The following PCDHGA4 variants were observed in gnomAD, a reference collection of about 807,000 sequenced individuals.
PCDHGA4 encodes protocadherin gamma-A4.
In PCDHGA4, 38 loss-of-function variants were observed where a neutral mutation model predicts 54.6. The ratio of observed to expected loss-of-function variants is 0.70; its 90% CI spans 0.54 to 0.91. PCDHGA4 has a LOEUF of 0.91. PCDHGA4 is among the 40% of genes least tolerant of loss of function. The pLI is 0.00. For missense variants in PCDHGA4, 1,298 were observed against 1,220.9 expected (o/e 1.06, Z -0.94); for synonymous variants, 511 against 512.9 (o/e 1.00, Z 0.05).
chr5:141,369,893 A>T (rs956763780), intron 1 of PCDHGA4, among the ~76,000 whole-genome samples: 1 of 152,230 alleles, frequency 6.6e-6, no homozygotes, highest in Non-Finnish European at 1.5e-5. Context: ...AGATATTATT[A>T]TGACCATTTT....
chr5:141,388,402 G>C, intron 1 of PCDHGA4: 1 of 1,613,972 alleles, frequency 6.2e-7, no homozygotes, highest in Non-Finnish European at 8.5e-7. Context: ...TACCAACTCA[G>C]TCCCAGTGAT....
intron 1 of PCDHGA4, chr5:141,413,201 A>G (rs746209535): frequency 1.9e-6 from 3 of 1,611,954 alleles, no homozygotes; most frequent in Non-Finnish European, 2.5e-6. Context: ...AATCGCTCAA[A>G]GGAATCAAAG....
At chr5:141,360,360 C>T in intron 1 of PCDHGA4, 1 of 1,613,892 alleles carries the variant, frequency 6.2e-7, no homozygotes, top group Non-Finnish European at 8.5e-7. Flanking sequence ...AGGAATATTT[C>T]ACAGTAAACC....
intron 1 of PCDHGA4, chr5:141,374,039 G>T (rs187674758): frequency 5.9e-5 from 86 of 1,456,944 alleles, no homozygotes; most frequent in Middle Eastern, 2.5e-4. Context: ...ATGCAGATCT[G>T]TTCTTCCTCT....
rs144317211 is a variant in PCDHGA4 at position 141,432,088 on chromosome 5, A to G, written c.2515-62719A>G. On this transcript the variant is annotated intron_variant, in intron 1 of 3. Transcript: ENST00000571252. This position sits in a 1 kb window ranked among gnomAD's most constrained non-coding sequence, Gnocchi z 6.0. Reference sequence around the variant, plus strand: ...AAACTCATATCTCGCTGAACGTGGCAGACACCAACGACAACCCGCCGGTCT... The same window carrying G: ...AAACTCATATCTCGCTGAACGTGGCGGACACCAACGACAACCCGCCGGTCT... The G allele has an allele frequency of 6.2e-7, 1 of 1,614,148 alleles. No individual in the cohort carries two copies. Among genetic ancestry groups the G allele is most frequent in the South Asian group, 1.1e-5 (1 of 91,074 alleles).
Position 141,486,177 on chromosome 5 carries a change from G to A in PCDHGA4, c.2515-8630G>A. The A allele has an allele frequency of 6.2e-7, 1 of 1,614,222 alleles. No individual in the cohort carries two copies. Among genetic ancestry groups the A allele is most frequent in the Non-Finnish European group, 8.5e-7 (1 of 1,180,042 alleles). ...TCTCCAGCCATGGAGCAACATTGCA[G>A]CCTTCGAGTGGATCTGCTGGACGTA... On this transcript the variant is annotated intron_variant, in intron 1 of 3. Coordinates refer to ENST00000571252, the MANE Select transcript of PCDHGA4 (RefSeq NM_018917.4). The surrounding 1 kb of genome is among the most constrained non-coding windows in gnomAD (Gnocchi z 5.0).
Position 141,495,452 on chromosome 5 carries a change from CTCTG to C in PCDHGA4, c.2573+593_2573+596del, listed in dbSNP as rs550877100. ...GTCCTCTGCCCCTACTTGTCCTGCTCTCTGTCTGTGGGGTCTCCGTGTCTCTGCC... is the reference window on the plus strand; with the variant it reads ...GTCCTCTGCCCCTACTTGTCCTGCTCTCTGTGGGGTCTCCGTGTCTCTGCC... On this transcript the variant is annotated intron_variant, in intron 2 of 3. Coordinates refer to ENST00000571252, the MANE Select transcript of PCDHGA4 (RefSeq NM_018917.4). 5.6e-4 allele frequency among the ~76,000 whole-genome samples: 85 copies of C among 152,356 alleles called. 1 individual carries two copies. Among genetic ancestry groups the C allele is most frequent in the Admixed American group, 3.5e-3 (53 of 15,310 alleles).
Position 141,419,013 on chromosome 5 carries a change from G to C in PCDHGA4, c.2514+61392G>C, listed in dbSNP as rs746229802. The C allele has an allele frequency of 6.9e-5, 111 of 1,613,840 alleles. No individual in the cohort carries two copies. In the East Asian group the frequency reaches 2.4e-3, roughly 35 times the overall value. ...GGGGAAAATGGGGAAGTCAGGTGTA[G>C]CTTAAGTAGAGGTGTTCCATTTAAG... is the stretch of plus-strand genomic sequence containing the variant. On this transcript the variant is annotated intron_variant, in intron 1 of 3. Transcript: ENST00000571252.
chr5:141,503,222 G>T (rs540244346), intron 2 of PCDHGA4, among the ~76,000 whole-genome samples: 1 of 152,120 alleles, frequency 6.6e-6, no homozygotes, highest in East Asian at 1.9e-4. Context: ...CATGAGCACC[G>T]TAAAGATGGA....
At chr5:141,389,832 C>A in intron 1 of PCDHGA4, 3 of 1,613,966 alleles carry the variant, frequency 1.9e-6, no homozygotes, top group Non-Finnish European at 2.5e-6. Flanking sequence ...CGGTGGACAG[C>A]CACCACTCTC....
intron 1 of PCDHGA4, chr5:141,372,474 G>C: frequency 6.2e-7 from 1 of 1,614,052 alleles, no homozygotes; most frequent in Non-Finnish European, 8.5e-7. Context: ...TCACCTAGTA[G>C]TGGCGTTGGC....
chr5:141,414,378 C>T lies in PCDHGA4; in HGVS notation c.2514+56757C>T, dbSNP rs958748519. ...ATCTACCATTTAAATTAGAAAAGTC[C>T]ATTGACAGTTATTACAGATTGGTGA... On this transcript the variant is annotated intron_variant, in intron 1 of 3. Coordinates refer to ENST00000571252, the MANE Select transcript of PCDHGA4 (RefSeq NM_018917.4). 3.1e-6 allele frequency: 5 copies of T among 1,613,736 alleles called. No individual in the cohort carries two copies. In the African/African-American group the frequency reaches 5.3e-5, roughly 17 times the overall value.
chr5:141,403,465 G>A, intron 1 of PCDHGA4: 1 of 1,614,018 alleles, frequency 6.2e-7, no homozygotes, highest in Non-Finnish European at 8.5e-7. Context: ...AGAGCTACCA[G>A]CTCAGCCCCA....
chr5:141,505,381 C>T lies in PCDHGA4; in HGVS notation c.2574-12C>T. On this transcript the variant is annotated splice_polypyrimidine_tract_variant and intron_variant, in intron 2 of 3. Transcript: ENST00000571252. Reference sequence around the variant, plus strand: ...CTGGGAGTCTGTGCTCACCATCCTACTCTCTCCCCAGCTCCCAAAATGGCG... The same window carrying T: ...CTGGGAGTCTGTGCTCACCATCCTATTCTCTCCCCAGCTCCCAAAATGGCG... 1 of 1,614,064 alleles carries T rather than the reference C, an allele frequency of 6.2e-7. No homozygotes were observed.
intron 1 of PCDHGA4, chr5:141,414,476 C>G (rs1242647918): frequency 6.2e-7 from 1 of 1,613,920 alleles, no homozygotes; most frequent in Non-Finnish European, 8.5e-7. Context: ...GGGGGAAGTC[C>G]TCCTCTATCA....
At chr5:141,380,295 A>G (rs956041839) in intron 1 of PCDHGA4, among the ~76,000 whole-genome samples, 2 of 152,172 alleles carry the variant, frequency 1.3e-5, no homozygotes, top group African/African-American at 2.4e-5. Flanking sequence ...GAAGATACCT[A>G]TATCTTTGCT....
At chr5:141,414,846 G>A in intron 1 of PCDHGA4, 1 of 1,614,218 alleles carries the variant, frequency 6.2e-7, no homozygotes, top group African/African-American at 1.3e-5. Flanking sequence ...TGTTTGTGCT[G>A]GACCAGAACG....
chr5:141,492,071 C>T (rs992716777), intron 1 of PCDHGA4: 7 of 481,874 alleles, frequency 1.5e-5, no homozygotes, highest in African/African-American at 1.4e-4. Context: ...CTCCTAGGCG[C>T]CGGCTCCGGC....
intron 1 of PCDHGA4, among the ~76,000 whole-genome samples, chr5:141,463,539 C>T (rs1408887405): frequency 6.7e-6 from 1 of 148,606 alleles, no homozygotes; most frequent in Admixed American, 6.8e-5. Context: ...AACTCCGGCT[C>T]CCGGGTTCAT....
Sources: allele counts gnomAD v4.1 joint callset (sites outside exome capture counted in the v4.1 genomes callset), GRCh38; gene constraint gnomAD v4.1.1; non-coding constraint Gnocchi (gnomAD v3.1); transcripts MANE v1.5; gene names NCBI Gene and HGNC (gene_info 2026-07-23, HGNC 2026-07-21).